PPTC7: variants seen among roughly 807,000 people sequenced by gnomAD.
The protein encoded by PPTC7 is protein phosphatase PTC7 homolog.
A neutral mutation model predicts 30.8 loss-of-function variants in PPTC7; 6 were observed. The ratio of observed to expected loss-of-function variants is 0.19; its 90% CI spans 0.11 to 0.38. The LOEUF is 0.38. PPTC7 is among the 10% of genes least tolerant of loss of function. The probability of loss-of-function intolerance (pLI) is 1.00; values close to 1 mark genes in which losing one functional copy is unlikely to be tolerated. For synonymous variants in PPTC7, 163 were observed against 168.1 expected (o/e 0.97, Z 0.23); for missense variants, 218 against 404.8 (o/e 0.54, Z 3.96).
At chr12:110,569,454 T>C (rs1232796389) in intron 1 of PPTC7, among the ~76,000 whole-genome samples, 1 of 152,220 alleles carries the variant, frequency 6.6e-6, no homozygotes, top group Non-Finnish European at 1.5e-5. Flanking sequence ...TGCCACTAAC[T>C]GGACCTAAGA....
chr12:110,553,781 A>G (rs2064366470), intron 1 of PPTC7, among the ~76,000 whole-genome samples: 1 of 152,216 alleles, frequency 6.6e-6, no homozygotes, highest in South Asian at 2.1e-4. Context: ...CTGGTCTCAA[A>G]AAATGAAACA....
At chr12:110,561,842 C>T (rs745463708) in intron 1 of PPTC7, among the ~76,000 whole-genome samples, 17 of 151,966 alleles carry the variant, frequency 1.1e-4, no homozygotes, top group African/African-American at 1.7e-4. Flanking sequence ...ACCTGTGGTC[C>T]GAGCTGCTTG....
intron 1 of PPTC7, among the ~76,000 whole-genome samples, chr12:110,558,055 A>G (rs1411418534): frequency 6.6e-6 from 1 of 152,260 alleles, no homozygotes; most frequent in Admixed American, 6.5e-5. Flanking sequence ...TGAAACCTCA[A>G]ATAAGAGGGA....
chr12:110,570,142 T>C (rs1415464106), intron 1 of PPTC7, among the ~76,000 whole-genome samples: 1 of 151,316 alleles, frequency 6.6e-6, no homozygotes, highest in Non-Finnish European at 1.5e-5. Flanking sequence ...TCTTCTGCCT[T>C]GAGATTCTGT....
chr12:110,547,747 T>C, intron 2 of PPTC7, among the ~76,000 whole-genome samples: 1 of 152,164 alleles, frequency 6.6e-6, no homozygotes, highest in East Asian at 1.9e-4. Flanking sequence ...CAGTGTGCCA[T>C]CATTTTCCAG....
intron 4 of PPTC7, among the ~76,000 whole-genome samples, chr12:110,538,842 A>G (rs1239958891): frequency 6.6e-6 from 1 of 152,156 alleles, no homozygotes; most frequent in Non-Finnish European, 1.5e-5. Context: ...CACCTCCTCA[A>G]AAAGGCCCTT....
rs761679555 is a variant in PPTC7 at position 110,534,350 on chromosome 12, T to C, written c.*2687A>G. On this transcript the variant is annotated 3_prime_UTR_variant, in exon 6 of 6. Coordinates refer to ENST00000354300, the MANE Select transcript of PPTC7 (RefSeq NM_139283.2). Reference sequence around the variant, plus strand: ...GATAAATAATTTGCCATTTGTAAATTAGAAATCCAAATTTTTTCTTTTGTT... The same window carrying C: ...GATAAATAATTTGCCATTTGTAAATCAGAAATCCAAATTTTTTCTTTTGTT... 3 of 152,144 alleles carry C rather than the reference T, an allele frequency of 2.0e-5. No individual in the cohort carries two copies. The highest frequency in any genetic ancestry group is 6.5e-5 in the Admixed American group (1 of 15,284). The allele number at this position is 152,144 out of a possible 1,614,324, so 9.4% of individuals were successfully genotyped here.
intron 2 of PPTC7, among the ~76,000 whole-genome samples, chr12:110,547,476 T>C (rs546610080): frequency 6.6e-6 from 1 of 152,320 alleles, no homozygotes; most frequent in Admixed American, 6.5e-5. Context: ...TGTTGGCTAT[T>C]TTATAGCCAT....
At position 110,536,319 on chromosome 12, in the gene PPTC7, T is replaced by C. The variant is rs2064217941; in HGVS notation, c.*718A>G. On this transcript the variant is annotated 3_prime_UTR_variant, in exon 6 of 6. Transcript: ENST00000354300. Reference sequence around the variant, plus strand: ...CCTACCCCTCCTGGAGATCAGGCCTTAGCCTGTGATTTGGACTAATCAATA... The same window carrying C: ...CCTACCCCTCCTGGAGATCAGGCCTCAGCCTGTGATTTGGACTAATCAATA... The C allele has an allele frequency of 6.6e-6, 1 of 152,238 alleles. No individual in the cohort carries two copies. Among genetic ancestry groups the C allele is most frequent in the African/African-American group, 2.4e-5 (1 of 41,458 alleles). The allele number at this position is 152,238 out of a possible 1,614,324, so 9.4% of individuals were successfully genotyped here.
intron 3 of PPTC7, among the ~76,000 whole-genome samples, chr12:110,540,421 A>C (rs897608478): frequency 6.8e-6 from 1 of 146,728 alleles, no homozygotes; most frequent in African/African-American, 2.5e-5. Flanking sequence ...TCTTGGGTTC[A>C]AGCGATTCTC....
At chr12:110,543,051 A>G (rs1379078432) in intron 3 of PPTC7, among the ~76,000 whole-genome samples, 1 of 152,228 alleles carries the variant, frequency 6.6e-6, no homozygotes, top group Non-Finnish European at 1.5e-5. Flanking sequence ...GAGCCAGGAA[A>G]GCAAATCAGA....
chr12:110,548,642 A>T (rs533571235), intron 2 of PPTC7, among the ~76,000 whole-genome samples: 2 of 152,332 alleles, frequency 1.3e-5, no homozygotes, highest in East Asian at 3.9e-4. Flanking sequence ...TGAGAAAGAA[A>T]AACAACCCGA....
At chr12:110,546,804 C>G (rs2064309415) in intron 2 of PPTC7, 1 of 152,136 alleles carries the variant, frequency 6.6e-6, no homozygotes, top group African/African-American at 2.4e-5. Flanking sequence ...CTACCTACCG[C>G]CACCAGAAAA....
intron 2 of PPTC7, chr12:110,546,824 T>C (rs769295801): frequency 4.6e-5 from 7 of 152,110 alleles, no homozygotes; most frequent in African/African-American, 7.2e-5. Context: ...AATGGCAACA[T>C]AGAAAAACAG....
At chr12:110,540,112 G>GA (rs2064246451) in intron 3 of PPTC7, among the ~76,000 whole-genome samples, 167 bp from the exon 4 acceptor site, 1 of 152,082 alleles carries the variant, frequency 6.6e-6, no homozygotes, top group African/African-American at 2.4e-5. Flanking sequence ...TCCCAACTCT[G>GA]AAAAAAGTTA....
intron 1 of PPTC7, among the ~76,000 whole-genome samples, chr12:110,563,108 G>GT (rs1316451740): frequency 1.8e-5 from 2 of 110,150 alleles, no homozygotes; most frequent in African/African-American, 3.5e-5. Flanking sequence ...GACAGGGTGA[G>GT]TGAGACTCCA....
At position 110,534,901 on chromosome 12, in the gene PPTC7, C is replaced by T. The variant is rs1051549854; in HGVS notation, c.*2136G>A. On this transcript the variant is annotated 3_prime_UTR_variant, in exon 6 of 6. Transcript: ENST00000354300. ...AGAAACTTGACGAGCACTGCTCTTACCAGGAATTAAATGTAGGCGTTGGAA... is the reference window on the plus strand; with the variant it reads ...AGAAACTTGACGAGCACTGCTCTTATCAGGAATTAAATGTAGGCGTTGGAA... 6.6e-6 allele frequency: 1 copy of T among 152,526 alleles called. No individual in the cohort carries two copies. The highest frequency in any genetic ancestry group is 6.6e-5 in the Admixed American group (1 of 15,254). The allele number at this position is 152,526 out of a possible 1,614,324, so 9.4% of individuals were successfully genotyped here.
chr12:110,582,721 C>G, intron 1 of PPTC7, 88 bp downstream of exon 1: 1 of 1,178,512 alleles, frequency 8.5e-7, no homozygotes, highest in Non-Finnish European at 1.2e-6. Flanking sequence ...CTCCTTTCGC[C>G]GCCGGGAGGA....
At chr12:110,574,680 G>A (rs1397386499) in intron 1 of PPTC7, among the ~76,000 whole-genome samples, 4 of 152,144 alleles carry the variant, frequency 2.6e-5, no homozygotes, top group Non-Finnish European at 4.4e-5. Context: ...CAATAGGTCA[G>A]CTTTTACAAA....
Sources: allele counts gnomAD v4.1 joint callset (sites outside exome capture counted in the v4.1 genomes callset), GRCh38; gene constraint gnomAD v4.1.1; transcripts MANE v1.5; gene names NCBI Gene and HGNC (gene_info 2026-07-23, HGNC 2026-07-21).